GNG2: variants seen among roughly 807,000 people sequenced by gnomAD.
The protein encoded by GNG2 is guanine nucleotide-binding protein G(I)/G(S)/G(O) subunit gamma-2.
Under a neutral mutation model 5.5 loss-of-function variants are expected in GNG2, and 5 were observed. That is an observed-to-expected ratio of 0.91 (90% CI 0.48 to 1.92). The LOEUF is 1.92. GNG2 is among the 30% of genes most tolerant of loss of function. The pLI is 0.01. For missense variants in GNG2, 55 were observed against 88.4 expected (o/e 0.62, Z 1.52); for synonymous variants, 28 against 32.0 (o/e 0.88, Z 0.42).
At chr14:51,829,219 G>A (rs554227407) in intron 2 of GNG2, among the ~76,000 whole-genome samples, 1 of 152,208 alleles carries the variant, frequency 6.6e-6, no homozygotes, top group Admixed American at 6.5e-5. Context: ...ACTCCCAGGT[G>A]TATAGCCTAG....
chr14:51,909,549 A>C (rs1886164820), intron 2 of GNG2, among the ~76,000 whole-genome samples: 1 of 152,174 alleles, frequency 6.6e-6, no homozygotes, highest in Non-Finnish European at 1.5e-5. Flanking sequence ...GTTTAAGACC[A>C]AAAAGGAAAA....
intron 1 of GNG2, among the ~76,000 whole-genome samples, chr14:51,876,656 CT>C (rs2140132328): frequency 6.6e-6 from 1 of 151,498 alleles, no homozygotes; most frequent in Non-Finnish European, 1.5e-5. Context: ...TAATGGTTTT[CT>C]AATAACTTTA....
intron 2 of GNG2, among the ~76,000 whole-genome samples, chr14:51,903,122 T>C (rs937438790): frequency 6.6e-6 from 1 of 152,186 alleles, no homozygotes; most frequent in African/African-American, 2.4e-5. Context: ...GAGCTATTTA[T>C]AATAGTAAAA....
chr14:51,929,602 G>A (rs896022485), intron 2 of GNG2, among the ~76,000 whole-genome samples: 1 of 152,212 alleles, frequency 6.6e-6, no homozygotes, highest in African/African-American at 2.4e-5. Context: ...GGTGGGTGGG[G>A]TTAATGAATA....
intron 2 of GNG2, among the ~76,000 whole-genome samples, chr14:51,934,588 C>T (rs970807066): frequency 2.6e-5 from 4 of 152,140 alleles, no homozygotes; most frequent in Admixed American, 2.0e-4. Flanking sequence ...ATGACTCATC[C>T]GTGATCACTC....
intron 2 of GNG2, among the ~76,000 whole-genome samples, chr14:51,898,854 C>T: frequency 6.6e-6 from 1 of 152,208 alleles, no homozygotes; most frequent in East Asian, 1.9e-4. Context: ...GCTCCTACTG[C>T]AATACCATGA....
intron 3 of GNG2, among the ~76,000 whole-genome samples, chr14:51,953,710 A>G (rs1252045847): frequency 6.6e-6 from 1 of 152,196 alleles, no homozygotes; most frequent in Non-Finnish European, 1.5e-5. Context: ...AGTTGGATAA[A>G]GTGTTGACTG....
At chr14:51,845,542 G>A (rs999214587) in intron 2 of GNG2, among the ~76,000 whole-genome samples, 11 of 152,078 alleles carry the variant, frequency 7.2e-5, no homozygotes, top group Non-Finnish European at 1.6e-4. Flanking sequence ...GATCTTAGAG[G>A]CAATCTTGCC....
At chr14:51,950,798 C>T (rs962091300) in intron 3 of GNG2, 33 bp downstream of exon 3, 12 of 1,376,680 alleles carry the variant, frequency 8.7e-6, no homozygotes, top group Non-Finnish European at 1.0e-5. Context: ...CTTCATCTAG[C>T]GTGAGTCTAA....
intron 2 of GNG2, among the ~76,000 whole-genome samples, chr14:51,921,349 A>G (rs750617855): frequency 6.6e-6 from 1 of 152,202 alleles, no homozygotes; most frequent in Non-Finnish European, 1.5e-5. Flanking sequence ...TGCTATTACT[A>G]TTCCCTGAAA....
At chr14:51,836,059 C>CAGATCT (rs1347462911) in intron 2 of GNG2, among the ~76,000 whole-genome samples, 1 of 151,398 alleles carries the variant, frequency 6.6e-6, no homozygotes, top group Non-Finnish European at 1.5e-5. Context: ...ATGGCACTGG[C>CAGATCT]AGATCTAGTG....
At chr14:51,938,165 A>C (rs1348156945) in intron 2 of GNG2, among the ~76,000 whole-genome samples, 1 of 152,214 alleles carries the variant, frequency 6.6e-6, no homozygotes, top group Non-Finnish European at 1.5e-5. Context: ...TAGGTTCTTC[A>C]TGAAAGTTAG....
chr14:51,961,141 T>G (rs1347144329), intron 3 of GNG2, among the ~76,000 whole-genome samples: 1 of 152,232 alleles, frequency 6.6e-6, no homozygotes, highest in African/African-American at 2.4e-5. Context: ...TCCTCTGTGC[T>G]GCCTATTGTC....
intron 3 of GNG2, among the ~76,000 whole-genome samples, chr14:51,962,477 A>T (rs1484241796): frequency 6.6e-6 from 1 of 152,200 alleles, no homozygotes; most frequent in East Asian, 1.9e-4. Flanking sequence ...AGGTTAGTGA[A>T]AAATAAAGAT....
chr14:51,952,281 C>T (rs900645640), intron 3 of GNG2: 3 of 198,234 alleles, frequency 1.5e-5, no homozygotes, highest in East Asian at 2.4e-4. Flanking sequence ...TCCTGCTCTT[C>T]TTTCAACAGC....
At chr14:51,928,313 G>C (rs1253694) in intron 2 of GNG2, among the ~76,000 whole-genome samples, 4,246 of 152,006 alleles carry the variant, frequency 0.028, 212 homozygotes, top group African/African-American at 0.095. Context: ...TACAGGCGCG[G>C]TGGCTCACGC....
intron 3 of GNG2, among the ~76,000 whole-genome samples, chr14:51,965,149 T>C (rs1195161069): frequency 6.6e-6 from 1 of 152,234 alleles, no homozygotes; most frequent in African/African-American, 2.4e-5. Flanking sequence ...CTTATGTCAC[T>C]GGGCAAGTCT....
chr14:51,867,216 A>C (rs1882957363), intron 1 of GNG2, among the ~76,000 whole-genome samples: 1 of 151,994 alleles, frequency 6.6e-6, no homozygotes, highest in Non-Finnish European at 1.5e-5. Flanking sequence ...CCCTCTCCCT[A>C]ATCAAATTCT....
chr14:51,937,456 A>G lies in GNG2; in HGVS notation c.-29-13194A>G, dbSNP rs1044163962. ...TCCTTCCCTGCATGATATCAGACAC[A>G]AAAATGTAAGCACTCCAAGGTGGGA... On this transcript the variant is annotated intron_variant, in intron 2 of 3. Transcript: ENST00000556766. Among the ~76,000 whole-genome samples, 3 of 152,196 alleles carry G rather than the reference A, an allele frequency of 2.0e-5. No homozygotes were observed. The South Asian group carries it at 6.2e-4, about 32-fold the overall frequency.
Sources: allele counts gnomAD v4.1 joint callset (sites outside exome capture counted in the v4.1 genomes callset), GRCh38; gene constraint gnomAD v4.1.1; transcripts MANE v1.5; gene names NCBI Gene and HGNC (gene_info 2026-07-23, HGNC 2026-07-21).